PBX3: variants seen among roughly 807,000 people sequenced by gnomAD.
PBX3 encodes PBX homeobox 3.
Under a neutral mutation model 48.5 loss-of-function variants are expected in PBX3, and 14 were observed. The observed-to-expected ratio is 0.29, with a 90% CI of 0.19 to 0.45. The LOEUF (loss-of-function observed/expected upper bound fraction) is 0.45. Ranked by LOEUF, PBX3 falls within the 20% of genes least tolerant of loss-of-function variation. The pLI is 1.00. For synonymous variants in PBX3, 210 were observed against 200.3 expected, an observed-to-expected ratio of 1.05 and a Z score of -0.41; for missense variants, 386 against 546.7, an observed-to-expected ratio of 0.71 and a Z score of 2.93.
chr9:125,845,877 C>T (rs1230246138), intron 2 of PBX3, among the ~76,000 whole-genome samples: 2 of 151,732 alleles, frequency 1.3e-5, no homozygotes, highest in East Asian at 1.9e-4. Flanking sequence ...AATAAATTTC[C>T]ACAAATTCAG....
intron 2 of PBX3, among the ~76,000 whole-genome samples, chr9:125,913,686 A>G (rs896654514): frequency 6.6e-6 from 1 of 152,194 alleles, no homozygotes; most frequent in Non-Finnish European, 1.5e-5. Context: ...GTACTTCACC[A>G]CATGTCCATA....
intron 2 of PBX3, among the ~76,000 whole-genome samples, chr9:125,899,367 ACATATATG>A (rs1840876226): frequency 3.1e-5 from 2 of 63,670 alleles, no homozygotes; most frequent in Non-Finnish European, 1.0e-4. Flanking sequence ...ATAAATATAT[ACATATATG>A]TATATATTTT....
chr9:125,777,365 T>C (rs987639399), intron 2 of PBX3, among the ~76,000 whole-genome samples: 9 of 151,148 alleles, frequency 6.0e-5, no homozygotes, highest in East Asian at 2.0e-4. Context: ...TCTTCTTCTT[T>C]TTTTTTTTGA....
At chr9:125,899,693 G>A (rs1312785421) in intron 2 of PBX3, among the ~76,000 whole-genome samples, 1 of 151,304 alleles carries the variant, frequency 6.6e-6, no homozygotes, top group Non-Finnish European at 1.5e-5. Flanking sequence ...ATTAGAGCAA[G>A]GAGACTTCAT....
At position 125,926,143 on chromosome 9, in the gene PBX3, A is replaced by AG. The variant is rs576533176; in HGVS notation, c.517-3509dup. On this transcript the variant is annotated intron_variant, in intron 3 of 8. Coordinates refer to ENST00000373489, the MANE Select transcript of PBX3 (RefSeq NM_006195.6). The stretch of plus-strand genomic sequence containing the variant: ...TTGGAAATTATATAAACATCTCCTT[A>AG]GGGAAAGTTCAAGAAAAAGATATAT... Among the ~76,000 whole-genome samples the AG allele has an allele frequency of 1.6e-4, 24 of 152,370 alleles. No homozygotes were observed. The East Asian group carries it at 3.5e-3, about 22-fold the overall frequency.
intron 2 of PBX3, among the ~76,000 whole-genome samples, chr9:125,805,407 C>T (rs185863461): frequency 2.0e-5 from 3 of 152,124 alleles, no homozygotes; most frequent in East Asian, 1.9e-4. Flanking sequence ...CAGTGGGAAG[C>T]GTGTGAAGGG....
chr9:125,958,274 C>G (rs1005217811), intron 5 of PBX3, among the ~76,000 whole-genome samples: 3 of 152,210 alleles, frequency 2.0e-5, no homozygotes, highest in African/African-American at 7.2e-5. Context: ...TGTGCCCTCT[C>G]CACTCCTACT....
intron 2 of PBX3, among the ~76,000 whole-genome samples, chr9:125,794,438 T>A (rs1284644270): frequency 6.6e-6 from 1 of 152,214 alleles, no homozygotes; most frequent in East Asian, 1.9e-4. Context: ...AAATCTTTCT[T>A]GAAGTGAGGT....
At chr9:125,776,659 C>G (rs1837079491) in intron 2 of PBX3, among the ~76,000 whole-genome samples, 1 of 152,102 alleles carries the variant, frequency 6.6e-6, no homozygotes, top group Non-Finnish European at 1.5e-5. Flanking sequence ...CCTCAGCTTC[C>G]CCTCCTGAGT....
chr9:125,783,673 A>G (rs1219101528), intron 2 of PBX3, among the ~76,000 whole-genome samples: 1 of 151,990 alleles, frequency 6.6e-6, no homozygotes, highest in Non-Finnish European at 1.5e-5. Flanking sequence ...CTCCTTGTTC[A>G]TGGTTTCCTT....
At chr9:125,820,709 C>T (rs953975043) in intron 2 of PBX3, among the ~76,000 whole-genome samples, 2 of 152,136 alleles carry the variant, frequency 1.3e-5, no homozygotes, top group Non-Finnish European at 2.9e-5. Context: ...ATAGTTAATG[C>T]TGGTGACAGT....
At chr9:125,862,721 A>G (rs1216700619) in intron 2 of PBX3, among the ~76,000 whole-genome samples, 1 of 152,114 alleles carries the variant, frequency 6.6e-6, no homozygotes, top group Non-Finnish European at 1.5e-5. Flanking sequence ...CTGTATCACC[A>G]ACATTCTTGA....
intron 2 of PBX3, among the ~76,000 whole-genome samples, chr9:125,841,569 T>TA (rs1330608756): frequency 6.6e-6 from 1 of 152,180 alleles, no homozygotes; most frequent in Non-Finnish European, 1.5e-5. Flanking sequence ...AGTGTTGTCT[T>TA]ACCCCAGTTT....
intron 2 of PBX3, among the ~76,000 whole-genome samples, chr9:125,821,349 G>T (rs952486484): frequency 1.3e-5 from 2 of 151,982 alleles, no homozygotes; most frequent in African/African-American, 4.8e-5. Flanking sequence ...ACGCATAGAG[G>T]TATAAATTTC....
intron 2 of PBX3, among the ~76,000 whole-genome samples, chr9:125,885,996 T>C (rs1209022816): frequency 6.6e-6 from 1 of 152,144 alleles, no homozygotes; most frequent in Admixed American, 6.5e-5. Flanking sequence ...AGAAAGTCTT[T>C]GTTCTTGTTT....
intron 2 of PBX3, among the ~76,000 whole-genome samples, chr9:125,909,740 C>T (rs907374557): frequency 1.3e-5 from 2 of 152,068 alleles, no homozygotes; most frequent in African/African-American, 4.8e-5. Context: ...AAATGGTTTT[C>T]CTCTTCTCAT....
At chr9:125,818,914 C>T (rs75559254) in intron 2 of PBX3, among the ~76,000 whole-genome samples, 2 of 151,936 alleles carry the variant, frequency 1.3e-5, no homozygotes, top group Non-Finnish European at 2.9e-5. Flanking sequence ...CGGCTGACTG[C>T]AGCCTCCGTC....
chr9:125,943,674 C>G (rs1019167881), intron 5 of PBX3, among the ~76,000 whole-genome samples: 13 of 152,150 alleles, frequency 8.5e-5, no homozygotes, highest in African/African-American at 2.7e-4. Context: ...ACAGATGTCA[C>G]ACTCAAACTG....
At chr9:125,955,318 G>A (rs1351112955) in intron 5 of PBX3, among the ~76,000 whole-genome samples, 3 of 152,136 alleles carry the variant, frequency 2.0e-5, no homozygotes, top group Non-Finnish European at 4.4e-5. Context: ...CCCTTCAGGT[G>A]CCTTGCTCCT....
Sources: gnomAD v4.1 joint callset for allele counts (sites outside exome capture counted in the v4.1 genomes callset) on GRCh38, gnomAD v4.1.1 for gene constraint, MANE v1.5 for transcripts, NCBI Gene and HGNC (gene_info 2026-07-23, HGNC 2026-07-21) for gene names.